The following MYT1L variants were observed in gnomAD, a reference collection of about 807,000 sequenced individuals.
MYT1L encodes the protein myelin transcription factor 1-like protein.
MYT1L carries 12 observed loss-of-function variants against 126.7 expected under a neutral mutation model. The observed-to-expected ratio is 0.09, with a 90% confidence interval of 0.06 to 0.15. The LOEUF is 0.15. Ranked by LOEUF, MYT1L falls within the 10% of genes least tolerant of loss-of-function variation. MYT1L has a pLI of 1.00. For synonymous variants in MYT1L, 541 were observed against 604.2 expected (o/e 0.90, Z 1.53); for missense variants, 979 against 1,585.2 (o/e 0.62, Z 6.49).
intron 2 of MYT1L, among the ~76,000 whole-genome samples, chr2:2,268,277 A>G (rs553806199): frequency 1.3e-5 from 2 of 152,328 alleles, no homozygotes; most frequent in East Asian, 3.9e-4. Context: ...TCTATAATAC[A>G]GAAATTTACT....
chr2:1,916,089 T>C (rs1417048275), intron 11 of MYT1L, among the ~76,000 whole-genome samples: 2 of 152,180 alleles, frequency 1.3e-5, no homozygotes, highest in Non-Finnish European at 2.9e-5. Context: ...TCTTCAGGCT[T>C]GTTCACAAGA....
In MYT1L at chr2:1,894,033, T is replaced by G. The variant is rs568042390; in HGVS notation, c.2033-1746A>C. On this transcript the variant is annotated intron_variant, in intron 14 of 24. Coordinates refer to ENST00000647738, the MANE Select transcript of MYT1L (RefSeq NM_001303052.2). ...TAACCGCTTTACACCCAGATTCCTGTGCATGAGCCAGAGGCTCAAATCCGC... is the reference window on the plus strand; with the variant it reads ...TAACCGCTTTACACCCAGATTCCTGGGCATGAGCCAGAGGCTCAAATCCGC... Among the ~76,000 whole-genome samples the G allele has an allele frequency of 1.4e-3, 219 of 152,316 alleles. 3 individuals are homozygous for G. Among genetic ancestry groups the G allele is most frequent in the Non-Finnish European group, 1.1e-3 (73 of 68,026 alleles).
intron 8 of MYT1L, among the ~76,000 whole-genome samples, chr2:1,954,678 T>C (rs2058184390): frequency 6.6e-6 from 1 of 152,110 alleles, no homozygotes; most frequent in Admixed American, 6.6e-5. Context: ...GCCATTCTCT[T>C]TTCCAGGGAC....
intron 3 of MYT1L, among the ~76,000 whole-genome samples, chr2:2,140,432 C>CT (rs35297300): frequency 0.014 from 1,551 of 112,888 alleles, 19 homozygotes; most frequent in Non-Finnish European, 0.017. Flanking sequence ...CTTTCTTTTT[C>CT]TTTTTTTTTT....
chr2:2,325,484 T>C (rs772360640), intron 1 of MYT1L: 9 of 152,222 alleles, frequency 5.9e-5, no homozygotes, highest in African/African-American at 1.2e-4. Context: ...AGTCCTAATA[T>C]GGTTTTTAAA....
rs558010954 is a variant in MYT1L, at chr2:2,208,848, A to G, written c.-420-35860T>C. Among the ~76,000 whole-genome samples, 26 of 152,316 alleles carry G rather than the reference A, an allele frequency of 1.7e-4. No individual in the cohort carries two copies. In the South Asian group the frequency reaches 5.2e-3, roughly 30 times the overall value. On this transcript the variant is annotated intron_variant, in intron 2 of 24. Transcript: ENST00000647738. ...TTTACCTAAAATAGAAAAACAGTAA[A>G]CCTATACATTGGTTACTATAACTAG... is the stretch of plus-strand genomic sequence containing the variant.
intron 21 of MYT1L, among the ~76,000 whole-genome samples, chr2:1,817,811 T>C (rs767683533): frequency 2.6e-5 from 4 of 152,182 alleles, no homozygotes; most frequent in Admixed American, 1.3e-4. Flanking sequence ...AAGAGGGTGC[T>C]TACTATTTTA....
intron 3 of MYT1L, among the ~76,000 whole-genome samples, chr2:2,112,893 A>T (rs2079647139): frequency 6.6e-6 from 1 of 152,224 alleles, no homozygotes; most frequent in Non-Finnish European, 1.5e-5. Flanking sequence ...GTTAGGTTTC[A>T]TCATCTGCAA....
intron 18 of MYT1L, among the ~76,000 whole-genome samples, chr2:1,860,985 TCA>T (rs35080379): frequency 2.0e-5 from 3 of 151,402 alleles, no homozygotes; most frequent in Middle Eastern, 3.4e-3. Flanking sequence ...ACTGCTCACC[TCA>T]CACACACACA....
chr2:2,274,051 AAGGT>A (rs1342390146), intron 2 of MYT1L, among the ~76,000 whole-genome samples: 1 of 152,152 alleles, frequency 6.6e-6, no homozygotes, highest in East Asian at 1.9e-4. Flanking sequence ...AAAAAGGAGA[AAGGT>A]AGGCACAAAG....
intron 14 of MYT1L, among the ~76,000 whole-genome samples, chr2:1,894,828 A>G (rs1243477171): frequency 2.0e-5 from 3 of 152,128 alleles, no homozygotes; most frequent in Non-Finnish European, 4.4e-5. Context: ...TCTCGTCATG[A>G]GCCCCTCTCA....
At chr2:1,944,171 T>C (rs2116653) in intron 8 of MYT1L, among the ~76,000 whole-genome samples, 11,191 of 152,146 alleles carry the variant, frequency 0.074, 1,150 homozygotes, top group African/African-American at 0.23. Flanking sequence ...GTTACATATG[T>C]ATATGTGTGC....
Position 1,814,029 on chromosome 2 carries a change from A to G in MYT1L, c.3081-4862T>C, listed in dbSNP as rs566644111. Among the ~76,000 whole-genome samples the G allele has an allele frequency of 4.8e-4, 66 of 138,850 alleles. 1 individual carries two copies. Among genetic ancestry groups the G allele is most frequent in the Middle Eastern group, 3.7e-3 (1 of 268 alleles). 91.1% of individuals were successfully genotyped at this position (138,850 alleles called of 152,430 possible). ...GCGACAGAGCGAGACTCCGTCCCCA[A>G]AAAAAAAAAAAAAAGAAAGAAAAAT... On this transcript the variant is annotated intron_variant, in intron 21 of 24. Coordinates refer to ENST00000647738, the MANE Select transcript of MYT1L (RefSeq NM_001303052.2).
chr2:1,859,709 G>A (rs2044336025), intron 18 of MYT1L, among the ~76,000 whole-genome samples: 4 of 152,214 alleles, frequency 2.6e-5, no homozygotes, highest in Non-Finnish European at 5.9e-5. Flanking sequence ...CGTGGCTTGC[G>A]GCTCCAGTGC....
At chr2:2,046,044 T>A (rs779925704) in intron 4 of MYT1L, among the ~76,000 whole-genome samples, 1 of 152,154 alleles carries the variant, frequency 6.6e-6, no homozygotes, top group Non-Finnish European at 1.5e-5. Context: ...TCCGTGAATA[T>A]GTGGTGAATA....
intron 2 of MYT1L, among the ~76,000 whole-genome samples, chr2:2,255,942 A>G (rs949234218): frequency 2.6e-5 from 4 of 152,196 alleles, no homozygotes; most frequent in Non-Finnish European, 5.9e-5. Context: ...AATTCATGGC[A>G]ACAGCCTTGC....
intron 11 of MYT1L, among the ~76,000 whole-genome samples, chr2:1,915,729 C>T (rs185707051): frequency 1.3e-5 from 2 of 152,238 alleles, no homozygotes; most frequent in South Asian, 2.1e-4. Context: ...AGAGGTCAGT[C>T]GGATACGGAT....
rs1410609118 is a variant in MYT1L, at chr2:2,059,056, T to C, written c.-303-4933A>G. 1.3e-5 allele frequency among the ~76,000 whole-genome samples: 2 copies of C among 152,238 alleles called. No individual in the cohort carries two copies. Among genetic ancestry groups the C allele is most frequent in the Admixed American group, 1.3e-4 (2 of 15,284 alleles). On this transcript the variant is annotated intron_variant, in intron 3 of 24. Coordinates refer to ENST00000647738, the MANE Select transcript of MYT1L (RefSeq NM_001303052.2). The surrounding 1 kb of genome is among the most constrained non-coding windows in gnomAD (Gnocchi z 4.7). ...TAAACTCAAGGACAATTGGGTCATG[T>C]CTGCTGTTTGAGAGAAGGAAGAATT...
In MYT1L at chr2:1,956,540, T is replaced by C. The variant is rs866862826; in HGVS notation, c.153-13206A>G. Among the ~76,000 whole-genome samples the C allele has an allele frequency of 8.7e-5, 13 of 149,690 alleles. No individual in the cohort carries two copies. In the South Asian group the frequency reaches 2.3e-3, roughly 27 times the overall value. The stretch of plus-strand genomic sequence containing the variant: ...ATCTATCTATCTATCTATCTATCTA[T>C]CTATCTATCATCTATCCTATTCTAT... On this transcript the variant is annotated intron_variant, in intron 8 of 24. Coordinates refer to ENST00000647738, the MANE Select transcript of MYT1L (RefSeq NM_001303052.2).
Sources: gnomAD v4.1 joint callset for allele counts (sites outside exome capture counted in the v4.1 genomes callset) on GRCh38, gnomAD v4.1.1 for gene constraint, Gnocchi (gnomAD v3.1) non-coding constraint, MANE v1.5 for transcripts, NCBI Gene and HGNC (gene_info 2026-07-23, HGNC 2026-07-21) for gene names.